Variants in ZNF329 observed in about 807,000 individuals in gnomAD.
ZNF329 encodes zinc finger protein 329.
Under a neutral mutation model 26.6 loss-of-function variants are expected in ZNF329, and 15 were observed. The ratio of observed to expected loss-of-function variants is 0.56; its 90% confidence interval spans 0.38 to 0.87. ZNF329 has a LOEUF of 0.87. Ranked by LOEUF, ZNF329 falls within the 40% of genes least tolerant of loss-of-function variation. The pLI is 0.00. For synonymous variants in ZNF329, 239 were observed against 233.5 expected (o/e 1.02, Z -0.21); for missense variants, 651 against 651.9 (o/e 1.00, Z 0.02).
chr19:58,143,319 G>C (rs557349892), intron 1 of ZNF329, 121 bp from the exon 2 acceptor site: 28 of 152,270 alleles, frequency 1.8e-4, no homozygotes, highest in African/African-American at 5.3e-4. Flanking sequence ...GCTAGACCAG[G>C]TACACAGATG....
At chr19:58,151,326 CTG>C (rs1421928581), upstream of ZNF329, among the ~76,000 whole-genome samples, 2 of 152,118 alleles carry the variant, frequency 1.3e-5, no homozygotes, top group African/African-American at 4.8e-5. Flanking sequence ...AAGAGAGAAA[CTG>C]TGGTATGTGC....
intron 3 of ZNF329, among the ~76,000 whole-genome samples, chr19:58,131,593 C>T (rs2074945272): frequency 6.6e-6 from 1 of 151,924 alleles, no homozygotes; most frequent in Admixed American, 6.6e-5. Context: ...AGGATTCTTA[C>T]AGAGAGAAAA....
intron 1 of ZNF329, among the ~76,000 whole-genome samples, chr19:58,146,673 G>A: frequency 6.6e-6 from 1 of 151,770 alleles, no homozygotes; most frequent in East Asian, 2.0e-4. Context: ...GCCTCAGCCT[G>A]CCGAGTGCCT....
In ZNF329 at chr19:58,127,698, G is replaced by GTCTTGTC. The variant is rs2146044054; in HGVS notation, c.*179_*180insGACAAGA. On this transcript the variant is annotated 3_prime_UTR_variant, in exon 4 of 4. Transcript: ENST00000598312. ...GACTTTTCTGCCCTCATCCTAAGTT[G>GTCTTGTC]TCTCTGGAGTTCCCCAATGAGCAGA... is the stretch of plus-strand genomic sequence containing the variant. 1 of 580,352 alleles carries GTCTTGTC rather than the reference G, an allele frequency of 1.7e-6. No individual in the cohort carries two copies. Among genetic ancestry groups the GTCTTGTC allele is most frequent in the Non-Finnish European group, 2.9e-6 (1 of 341,732 alleles). 36.0% of individuals were successfully genotyped at this position (580,352 alleles called of 1,614,324 possible).
Position 58,127,996 on chromosome 19 carries a change from C to A in ZNF329, c.1508G>T (p.Arg503Ile). 1.2e-6 allele frequency: 2 copies of A among 1,614,078 alleles called. No homozygotes were observed. Among genetic ancestry groups the A allele is most frequent in the Non-Finnish European group, 1.7e-6 (2 of 1,180,004 alleles). ...KQNSHLAVHQRLHSREGPSRC... is the reference protein window; with the variant it reads ...KQNSHLAVHQILHSREGPSRC... ...GCTGGGACCCTCCCTGCTATGGAGT[C>A]TCTGATGTACTGCCAGGTGAGAGTT... is the stretch of plus-strand genomic sequence containing the variant. The change falls in exon 4 of 4, where the codon AGA (arginine) becomes ATA (isoleucine). Residue 503 changes from arginine (R) to isoleucine (I), a missense_variant. By Grantham distance (97) the Arg-to-Ile change is moderately conservative. Transcript: ENST00000598312.
chr19:58,154,080 C>T (rs1372743410), upstream of ZNF329, among the ~76,000 whole-genome samples: 5 of 151,926 alleles, frequency 3.3e-5, no homozygotes, highest in East Asian at 9.7e-4. Flanking sequence ...CAGCTCACTG[C>T]AGCCTCCAAA....
intron 1 of ZNF329, among the ~76,000 whole-genome samples, chr19:58,146,317 T>C (rs554541859): frequency 4.1e-4 from 63 of 152,090 alleles, no homozygotes; most frequent in African/African-American, 1.5e-3. Context: ...CTACTAAAAA[T>C]ACAAATATTA....
chr19:58,146,000 G>GAA (rs36035684), intron 1 of ZNF329, among the ~76,000 whole-genome samples: 94 of 123,232 alleles, frequency 7.6e-4, no homozygotes, highest in Admixed American at 2.2e-3. Context: ...TCAATTTCAT[G>GAA]AAAAAAAAAA....
chr19:58,137,809 C>CAAAAAAAAAAAAAAAAAAAA (rs72295173), intron 3 of ZNF329, among the ~76,000 whole-genome samples: 1 of 76,262 alleles, frequency 1.3e-5, no homozygotes, highest in Admixed American at 1.7e-4. Flanking sequence ...ACAAAAAATA[C>CAAAAAAAAAAAAAAAAAAAA]AAAAAAAAAA....
upstream of ZNF329, among the ~76,000 whole-genome samples, chr19:58,154,362 C>A (rs1568683400): frequency 6.6e-6 from 1 of 152,158 alleles, no homozygotes; most frequent in Non-Finnish European, 1.5e-5. Context: ...CCTTTCAGGC[C>A]TTCACTGACC....
At chr19:58,151,782 CAGAT>C (rs2075459496), upstream of ZNF329, among the ~76,000 whole-genome samples, 1 of 152,020 alleles carries the variant, frequency 6.6e-6, no homozygotes, top group Non-Finnish European at 1.5e-5. Context: ...TAACATGGAC[CAGAT>C]AGATTGTCCA....
upstream of ZNF329, among the ~76,000 whole-genome samples, chr19:58,151,985 C>T (rs754604815): frequency 2.0e-5 from 3 of 152,042 alleles, no homozygotes; most frequent in South Asian, 2.1e-4. Context: ...TATTACTCTC[C>T]GAACCTCTCC....
intron 1 of ZNF329, among the ~76,000 whole-genome samples, chr19:58,146,308 T>G (rs1374313190): frequency 2.6e-5 from 4 of 152,120 alleles, no homozygotes; most frequent in Non-Finnish European, 5.9e-5. Context: ...ACCCCGTCTC[T>G]ACTAAAAATA....
At chr19:58,144,030 G>A (rs779027345) in intron 1 of ZNF329, among the ~76,000 whole-genome samples, 2 of 151,708 alleles carry the variant, frequency 1.3e-5, no homozygotes, top group African/African-American at 2.4e-5. Flanking sequence ...GCAGTGAGCC[G>A]AGATTGCACC....
chr19:58,145,778 CG>C (rs1172172684), intron 1 of ZNF329, among the ~76,000 whole-genome samples: 3 of 151,936 alleles, frequency 2.0e-5, no homozygotes, highest in African/African-American at 7.3e-5. Context: ...GGGGAAAAAG[CG>C]GAGGATCCTG....
Position 58,128,196 on chromosome 19 carries a change from GAA to G in ZNF329, c.1306_1307del (p.Phe436GlnfsTer8). ...GCCTAATGAGGCCAGCGATATTCCT[GAA>G]AAGTTTCTGACACTGGTTGCAGCCA... ...PYGCNQCQKLFRNIAGLIRHQ... is the reference protein window; with the variant it reads ...PYGCNQCQKLXRNIAGLIRHQ... On this transcript the variant is annotated frameshift_variant, in exon 4 of 4. Transcript: ENST00000598312. LOFTEE classifies it high-confidence loss of function. The G allele has an allele frequency of 6.3e-7, 1 of 1,587,496 alleles. No homozygotes were observed. Among genetic ancestry groups the G allele is most frequent in the Non-Finnish European group, 8.6e-7 (1 of 1,167,766 alleles).
chr19:58,137,809 CAA>C (rs72295173), intron 3 of ZNF329, among the ~76,000 whole-genome samples: 1,666 of 76,260 alleles, frequency 0.022, 34 homozygotes, highest in African/African-American at 0.063. Flanking sequence ...ACAAAAAATA[CAA>C]AAAAAAAAAA....
intron 3 of ZNF329, among the ~76,000 whole-genome samples, chr19:58,134,870 A>G (rs1288518219): frequency 6.6e-6 from 1 of 152,166 alleles, no homozygotes; most frequent in East Asian, 1.9e-4. Context: ...TGGGAGACAG[A>G]GGTTGCAGTG....
At chr19:58,152,359 A>G (rs2075470751), upstream of ZNF329, among the ~76,000 whole-genome samples, 1 of 151,302 alleles carries the variant, frequency 6.6e-6, no homozygotes. Context: ...GTGAAACCCC[A>G]TCTCTAAAAA....
Sources: gnomAD v4.1 joint callset for allele counts (sites outside exome capture counted in the v4.1 genomes callset) on GRCh38, gnomAD v4.1.1 for gene constraint, MANE v1.5 for transcripts, NCBI Gene and HGNC (gene_info 2026-07-23, HGNC 2026-07-21) for gene names.